The following PLD5 variants were observed in gnomAD, a reference collection of about 807,000 sequenced individuals.
PLD5 encodes the protein phospholipase D family member 5.
Under a neutral mutation model 61.1 loss-of-function variants are expected in PLD5, and 36 were observed. The ratio of observed to expected loss-of-function variants is 0.59; its 90% CI spans 0.45 to 0.78. The LOEUF (loss-of-function observed/expected upper bound fraction) is 0.78, where lower values mean the gene tolerates loss of function less well. Among genes scored for constraint, PLD5 ranks in the 30% least tolerant of loss-of-function variants. The probability of loss-of-function intolerance (pLI) is 0.00; values close to 1 mark genes in which losing one functional copy is unlikely to be tolerated. For missense variants in PLD5, 515 were observed against 644.4 expected (o/e 0.80, Z 2.17); for synonymous variants, 243 against 242.8 (o/e 1.00, Z -0.01).
intron 5 of PLD5, chr1:242,188,629 T>G (rs1383540831): frequency 1.3e-5 from 2 of 152,212 alleles, no homozygotes; most frequent in Non-Finnish European, 2.9e-5. Context: ...ACCTGCAGAA[T>G]GCAATCGCTT....
intron 1 of PLD5, among the ~76,000 whole-genome samples, chr1:242,353,856 T>C (rs1660607074): frequency 6.6e-6 from 1 of 150,912 alleles, no homozygotes. Context: ...TTTATTCCTA[T>C]TTTATTTTTT....
At chr1:242,125,407 A>C (rs1366780235) in intron 5 of PLD5, among the ~76,000 whole-genome samples, 2 of 152,180 alleles carry the variant, frequency 1.3e-5, no homozygotes, top group Non-Finnish European at 2.9e-5. Flanking sequence ...CACACAAATA[A>C]GTAAAAATAC....
intron 5 of PLD5, among the ~76,000 whole-genome samples, chr1:242,184,867 A>T (rs1574472663): frequency 6.6e-6 from 1 of 152,268 alleles, no homozygotes; most frequent in Admixed American, 6.5e-5. Context: ...GGACAAATGG[A>T]TTCCTGAGGT....
Position 242,396,402 on chromosome 1 carries a change from A to T in PLD5, c.190-48160T>A, listed in dbSNP as rs114354591. Among the ~76,000 whole-genome samples the T allele has an allele frequency of 6.7e-3, 1,018 of 152,154 alleles. 8 individuals are homozygous for T. The highest frequency in any genetic ancestry group is 0.023 in the African/African-American group (970 of 41,520). On this transcript the variant is annotated intron_variant, in intron 1 of 9. Coordinates refer to ENST00000536534, the MANE Select transcript of PLD5 (RefSeq NM_001372062.1). The stretch of plus-strand genomic sequence containing the variant: ...TGTTTATAAAAGAAATGCCCTCCTG[A>T]CCCCACTTTGCCCTCCAGCTACCAT...
At chr1:242,142,714 TTCTCTCTCTCTCTC>T (rs35627694) in intron 5 of PLD5, among the ~76,000 whole-genome samples, 3 of 90,088 alleles carry the variant, frequency 3.3e-5, no homozygotes, top group East Asian at 2.4e-4. Context: ...AGCTGTGTCT[TTCTCTCTCTCTCTC>T]TCTCTCTCTC....
chr1:242,300,537 T>C (rs1338603358), intron 2 of PLD5, among the ~76,000 whole-genome samples: 1 of 151,266 alleles, frequency 6.6e-6, no homozygotes, highest in Non-Finnish European at 1.5e-5. Flanking sequence ...GGGAGGCCAA[T>C]GTGGTTAAAT....
intron 1 of PLD5, among the ~76,000 whole-genome samples, chr1:242,351,604 T>G (rs1660481624): frequency 6.6e-6 from 1 of 152,224 alleles, no homozygotes; most frequent in South Asian, 2.1e-4. Context: ...CATGTGGAAC[T>G]GTGAGTCCAT....
intron 1 of PLD5, among the ~76,000 whole-genome samples, chr1:242,359,771 T>G (rs1297143869): frequency 6.6e-6 from 1 of 152,192 alleles, no homozygotes; most frequent in African/African-American, 2.4e-5. Flanking sequence ...TTAAGTTAAA[T>G]GACATACTAT....
At position 242,475,291 on chromosome 1, in the gene PLD5, C is replaced by T. The variant is rs369394672; in HGVS notation, c.189+48797G>A. ...ACAAAAAATTAGCTGGGCGCGGTGG[C>T]GGGCGCCTGTAGTCCCAGCTACTCG... On this transcript the variant is annotated intron_variant, in intron 1 of 9. Coordinates refer to ENST00000536534, the MANE Select transcript of PLD5 (RefSeq NM_001372062.1). Among the ~76,000 whole-genome samples the T allele has an allele frequency of 9.9e-5, 15 of 151,942 alleles. 1 individual carries two copies. Among genetic ancestry groups the T allele is most frequent in the African/African-American group, 2.4e-4 (10 of 41,432 alleles).
At chr1:242,478,947 A>G (rs893872570) in intron 1 of PLD5, among the ~76,000 whole-genome samples, 2 of 152,242 alleles carry the variant, frequency 1.3e-5, no homozygotes, top group African/African-American at 4.8e-5. Flanking sequence ...TAGTTATTAA[A>G]TGGAAGTTTT....
chr1:242,458,912 T>C (rs1324569985), intron 1 of PLD5, among the ~76,000 whole-genome samples: 3 of 152,242 alleles, frequency 2.0e-5, no homozygotes, highest in Non-Finnish European at 2.9e-5. Flanking sequence ...GAGTAAATGA[T>C]TTATTTTTAC....
At chr1:242,281,780 C>T (rs777581180) in intron 3 of PLD5, among the ~76,000 whole-genome samples, 1 of 152,096 alleles carries the variant, frequency 6.6e-6, no homozygotes, top group Non-Finnish European at 1.5e-5. Flanking sequence ...CCCCCTGCTT[C>T]TCCAAAGATA....
At chr1:242,217,620 A>G (rs1380203122) in intron 5 of PLD5, among the ~76,000 whole-genome samples, 2 of 152,192 alleles carry the variant, frequency 1.3e-5, no homozygotes, top group Non-Finnish European at 2.9e-5. Context: ...CCAAAACTCC[A>G]TCTCAAAAAA....
At chr1:242,117,663 G>A (rs1343882204) in intron 6 of PLD5, among the ~76,000 whole-genome samples, 1 of 152,166 alleles carries the variant, frequency 6.6e-6, no homozygotes, top group East Asian at 1.9e-4. Context: ...ACAGGTATGA[G>A]CTACCACGCC....
At chr1:242,297,643 T>C (rs1371762111) in intron 2 of PLD5, among the ~76,000 whole-genome samples, 3 of 50,314 alleles carry the variant, frequency 6.0e-5, no homozygotes, top group Admixed American at 5.5e-4. Context: ...TTTTTTTTTT[T>C]TTTTTTTGAG....
At chr1:242,388,671 T>A (rs759506556) in intron 1 of PLD5, among the ~76,000 whole-genome samples, 9 of 152,150 alleles carry the variant, frequency 5.9e-5, no homozygotes, top group Non-Finnish European at 1.0e-4. Context: ...AATGGCTGAC[T>A]GAGACGGTAA....
intron 5 of PLD5, among the ~76,000 whole-genome samples, chr1:242,158,671 T>A (rs539590210): frequency 2.0e-5 from 3 of 152,154 alleles, no homozygotes; most frequent in African/African-American, 7.2e-5. Flanking sequence ...CCCAGTGAGA[T>A]GAAACAGGTA....
At chr1:242,407,238 C>T (rs150880486) in intron 1 of PLD5, among the ~76,000 whole-genome samples, 44 of 151,792 alleles carry the variant, frequency 2.9e-4, no homozygotes, top group African/African-American at 1.0e-3. Context: ...CTTCATTTTC[C>T]GTCACGATGG....
At chr1:242,200,706 TC>T (rs1668935336) in intron 5 of PLD5, among the ~76,000 whole-genome samples, 1 of 152,152 alleles carries the variant, frequency 6.6e-6, no homozygotes, top group Admixed American at 6.5e-5. Flanking sequence ...ATGGAATAAT[TC>T]CAGGACATTC....
Sources: allele counts gnomAD v4.1 joint callset (sites outside exome capture counted in the v4.1 genomes callset), GRCh38; gene constraint gnomAD v4.1.1; transcripts MANE v1.5; gene names NCBI Gene and HGNC (gene_info 2026-07-23, HGNC 2026-07-21).